STARD9: variants seen among roughly 807,000 people sequenced by gnomAD.
STARD9 encodes the protein StAR related lipid transfer domain containing 9, also known as stAR-related lipid transfer protein 9.
In STARD9, 346 loss-of-function variants were observed where a neutral mutation model predicts 399.8. That is an observed-to-expected ratio of 0.87 (90% CI 0.79 to 0.95). The LOEUF (loss-of-function observed/expected upper bound fraction) is 0.95. Ranked by LOEUF, STARD9 falls within the 40% of genes least tolerant of loss-of-function variation. STARD9 has a pLI of 0.00. For missense variants in STARD9, 5,832 were observed against 5,667.5 expected (o/e 1.03, Z -0.93); for synonymous variants, 2,203 against 2,143.5 (o/e 1.03, Z -0.77).
chr15:42,614,097 G>A (rs2058908546), intron 3 of STARD9, among the ~76,000 whole-genome samples: 1 of 152,104 alleles, frequency 6.6e-6, no homozygotes, highest in South Asian at 2.1e-4. Context: ...CAGATCACAA[G>A]GTCAGGAGTT....
At chr15:42,614,582 G>A (rs1460247688) in intron 3 of STARD9, among the ~76,000 whole-genome samples, 1 of 152,130 alleles carries the variant, frequency 6.6e-6, no homozygotes, top group Non-Finnish European at 1.5e-5. Context: ...AATTGTTACA[G>A]CTTTTGGGAA....
chr15:42,695,065 C>T (rs920714564), intron 24 of STARD9, 75 bp from the exon 25 acceptor site: 10 of 1,248,470 alleles, frequency 8.0e-6, no homozygotes, highest in South Asian at 7.8e-5. Flanking sequence ...TGGTATCACC[C>T]AAGCTAGCCT....
intron 3 of STARD9, among the ~76,000 whole-genome samples, chr15:42,598,968 G>T (rs1011895004): frequency 6.6e-6 from 1 of 151,972 alleles, no homozygotes; most frequent in Non-Finnish European, 1.5e-5. Context: ...GTGTCATCCA[G>T]GCTGGAGTGC....
At chr15:42,591,004 T>C (rs2058382020) in intron 3 of STARD9, among the ~76,000 whole-genome samples, 1 of 152,186 alleles carries the variant, frequency 6.6e-6, no homozygotes, top group Non-Finnish European at 1.5e-5. Context: ...TCATAGCCTC[T>C]TAGTATGTTA....
intron 3 of STARD9, among the ~76,000 whole-genome samples, chr15:42,628,971 A>T (rs1020561557): frequency 3.3e-5 from 5 of 152,074 alleles, no homozygotes; most frequent in Non-Finnish European, 7.4e-5. Context: ...GAAGAATGTC[A>T]TTGGTATTTT....
intron 9 of STARD9, among the ~76,000 whole-genome samples, chr15:42,653,704 A>G (rs1227195779): frequency 6.6e-6 from 1 of 152,224 alleles, no homozygotes; most frequent in African/African-American, 2.4e-5. Context: ...ACCTGACAAG[A>G]AAACTAAATG....
At position 42,692,196 on chromosome 15, in the gene STARD9, A is replaced by G. The variant is rs1485861750; in HGVS notation, c.10618A>G (p.Thr3540Ala). The G allele has an allele frequency of 1.3e-5, 20 of 1,536,968 alleles. No individual in the cohort carries two copies. Among genetic ancestry groups the G allele is most frequent in the African/African-American group, 5.5e-5 (4 of 73,000 alleles). The change falls in exon 23 of 33, where the codon ACC becomes GCC. Residue 3540 changes from threonine to alanine, a missense_variant. Physicochemically the swap from Thr to Ala is moderately conservative, Grantham distance 58 (BLOSUM62 0). Transcript: ENST00000290607. ...TTACGCCAATATTTGTGATCTGTCA[A>G]CCACACACAGCAGCACTGAGAATGC... is the stretch of plus-strand genomic sequence containing the variant. ...STYANICDLS[T>A]THSSTENAQG...
chr15:42,719,387 G>A, intron 32 of STARD9, 86 bp from the exon 33 acceptor site: 1 of 848,348 alleles, frequency 1.2e-6, no homozygotes, highest in Non-Finnish European at 1.9e-6. Context: ...CATCACCACA[G>A]GCTGAGGGGA....
intron 3 of STARD9, among the ~76,000 whole-genome samples, chr15:42,626,731 C>T (rs1206156134): frequency 1.3e-5 from 2 of 150,254 alleles, no homozygotes; most frequent in African/African-American, 2.5e-5. Flanking sequence ...AGGCTGGTCT[C>T]GAACTCCTGA....
At position 42,682,193 on chromosome 15, in the gene STARD9, G is replaced by A; in HGVS notation, c.2155G>A (p.Ala719Thr). 1 of 1,537,236 alleles carries A rather than the reference G, an allele frequency of 6.5e-7. No homozygotes were observed. The highest frequency in any genetic ancestry group is 1.2e-5 in the South Asian group (1 of 84,054). Reference sequence around the variant, plus strand: ...CCAGGTAGCAGAGAAAGAACTTGAGGCATCTGTGGCACTTGATGCTTGGCT... The same window carrying A: ...CCAGGTAGCAGAGAAAGAACTTGAGACATCTGTGGCACTTGATGCTTGGCT... ...EDQVAEKELE[A>T]SVALDAWLQT... The change falls in exon 22 of 33, where the codon GCA (alanine) becomes ACA (threonine). Residue 719 changes from alanine to threonine, a missense_variant. Coordinates refer to ENST00000290607, the MANE Select transcript of STARD9 (RefSeq NM_020759.3).
intron 3 of STARD9, among the ~76,000 whole-genome samples, chr15:42,597,564 T>TG (rs2058531766): frequency 6.6e-6 from 1 of 151,526 alleles, no homozygotes; most frequent in Admixed American, 6.6e-5. Flanking sequence ...TTAAATAGAG[T>TG]CTCGCTCTGT....
rs2060775056 is a variant in STARD9, at chr15:42,693,814, G to T, written c.12236G>T (p.Trp4079Leu). 6.5e-7 allele frequency: 1 copy of T among 1,536,336 alleles called. No homozygotes were observed. The change falls in exon 23 of 33, where the codon TGG (tryptophan) becomes TTG (leucine). Residue 4079 changes from tryptophan (W) to leucine (L), a missense_variant. By Grantham distance (61) the Trp-to-Leu change is moderately conservative. This residue lies in a region of STARD9 where 5,828 missense variants were observed against 5,651.1 expected (regional missense o/e 1.03). Coordinates refer to ENST00000290607, the MANE Select transcript of STARD9 (RefSeq NM_020759.3). ...CGCACTCTGGACCGACCTTCTTCAT[G>T]GGGAGGCCTCCAGCACCTCAGCCCC... is the stretch of plus-strand genomic sequence containing the variant. ...PQRTLDRPSS[W>L]GGLQHLSPCP... is the part of the protein sequence containing the mutation.
chr15:42,662,874 T>C lies in STARD9; in HGVS notation c.851T>C (p.Ile284Thr). ...AACAAGTCCCTTGTGACTCTAGGAA[T>C]TGTCATCTCCACCTTAGGTATTTTC... ...NINKSLVTLG[I>T]VISTLAQNSQ... is the part of the protein sequence containing the mutation. The change falls in exon 11 of 33, where the codon ATT becomes ACT. Residue 284 changes from isoleucine (I) to threonine (T), a missense_variant. This residue lies in a region of STARD9 where 5,828 missense variants were observed against 5,651.1 expected (regional missense o/e 1.03). Transcript: ENST00000290607. 1 of 1,536,356 alleles carries C rather than the reference T, an allele frequency of 6.5e-7. No individual in the cohort carries two copies. The highest frequency in any genetic ancestry group is 1.2e-5 in the South Asian group (1 of 84,014).
At chr15:42,710,686 C>A (rs1430779810) in intron 26 of STARD9, among the ~76,000 whole-genome samples, 1 of 152,178 alleles carries the variant, frequency 6.6e-6, no homozygotes, top group Non-Finnish European at 1.5e-5. Context: ...TGGCTTCAAA[C>A]CACAGACATT....
At chr15:42,674,303 C>A (rs1029505108) in intron 16 of STARD9, 137 bp from the exon 17 acceptor site, 20 of 716,310 alleles carry the variant, frequency 2.8e-5, no homozygotes, top group South Asian at 5.2e-5. Flanking sequence ...GAAGTGGTAC[C>A]GACCAGGCTG....
Position 42,688,373 on chromosome 15 carries a change from C to A in STARD9, c.6795C>A (p.Asn2265Lys), listed in dbSNP as rs1166546385. ...TAGCTGAACACGTAAGTAGTTCCAA[C>A]CAAGAAGAGCCAAAAGCTCAAGGTA... Reference protein sequence around the residue: ...SQVAEHVSSSNQEEPKAQGKV... With the variant: ...SQVAEHVSSSKQEEPKAQGKV... Residue 2265 changes from asparagine (N) to lysine (K), a missense_variant, in exon 23 of 33, where the codon AAC becomes AAA. Around this residue, in one of 2 missense-constraint regions of STARD9, gnomAD observed 5,828 missense variants for 5,651.1 expected, o/e 1.03. Coordinates refer to ENST00000290607, the MANE Select transcript of STARD9 (RefSeq NM_020759.3). The A allele has an allele frequency of 2.0e-6, 3 of 1,537,250 alleles. No individual in the cohort carries two copies. Among genetic ancestry groups the A allele is most frequent in the Admixed American group, 2.0e-5 (1 of 50,984 alleles).
intron 3 of STARD9, among the ~76,000 whole-genome samples, chr15:42,599,066 G>A (rs1181757451): frequency 1.3e-5 from 2 of 152,114 alleles, no homozygotes; most frequent in African/African-American, 2.4e-5. Flanking sequence ...TGGGATTACA[G>A]GCCCCCACCA....
At position 42,682,150 on chromosome 15, in the gene STARD9, A is replaced by G. The variant is rs1566930615; in HGVS notation, c.2112A>G (p.Gln704=). 6.5e-7 allele frequency: 1 copy of G among 1,537,204 alleles called. No homozygotes were observed. Among genetic ancestry groups the G allele is most frequent in the East Asian group, 2.4e-5 (1 of 40,914 alleles). Residue 704 remains glutamine, a synonymous_variant, in exon 22 of 33, where the codon CAA becomes CAG. Transcript: ENST00000290607. ...LREETWLASL[Q]QQQQEDQVAE... is the part of the protein sequence containing the mutation. The stretch of plus-strand genomic sequence containing the variant: ...AAGAGACCTGGCTGGCCAGCTTGCA[A>G]CAGCAGCAGCAAGAAGACCAGGTAG...
chr15:42,688,732 C>T lies in STARD9; in HGVS notation c.7154C>T (p.Thr2385Met), dbSNP rs185468213. 80 of 1,537,668 alleles carry T rather than the reference C, an allele frequency of 5.2e-5. No homozygotes were observed. In the African/African-American group the frequency reaches 7.0e-4, roughly 13 times the overall value. ...VTGVEHQDQS[T>M]ETRSHSPEGN... Reference sequence around the variant, plus strand: ...GGAGTAGAGCATCAGGACCAGAGTACGGAGACCAGAAGCCACAGCCCCGAA... The same window carrying T: ...GGAGTAGAGCATCAGGACCAGAGTATGGAGACCAGAAGCCACAGCCCCGAA... Residue 2385 changes from threonine to methionine, a missense_variant, in exon 23 of 33, where the codon ACG becomes ATG. This residue lies in a region of STARD9 where 5,828 missense variants were observed against 5,651.1 expected (regional missense o/e 1.03). Coordinates refer to ENST00000290607, the MANE Select transcript of STARD9 (RefSeq NM_020759.3).
Sources: allele counts gnomAD v4.1 joint callset (sites outside exome capture counted in the v4.1 genomes callset), GRCh38; gene constraint gnomAD v4.1.1; regional missense constraint gnomAD v4.1.1; transcripts MANE v1.5; gene names NCBI Gene and HGNC (gene_info 2026-07-23, HGNC 2026-07-21).